The following CCZ1 variants were observed in gnomAD, a reference collection of about 807,000 sequenced individuals.
The protein encoded by CCZ1 is CCZ1 vacuolar protein trafficking and biogenesis associated.
A neutral mutation model predicts 57.8 loss-of-function variants in CCZ1; 19 were observed. That is an observed-to-expected ratio of 0.33 (90% CI 0.23 to 0.48). CCZ1 has a LOEUF of 0.48. CCZ1 is among the 20% of genes least tolerant of loss of function. The pLI is 0.99. For missense variants in CCZ1, 200 were observed against 492.0 expected, an observed-to-expected ratio of 0.41 and a Z score of 5.61; for synonymous variants, 81 against 167.0, an observed-to-expected ratio of 0.49 and a Z score of 3.97.
chr7:5,910,184 G>A (rs1781936491), intron 8 of CCZ1, 68 bp downstream of exon 8: 3 of 1,319,452 alleles, frequency 2.3e-6, no homozygotes, highest in Non-Finnish European at 3.3e-6. Flanking sequence ...GGAGTGAGAT[G>A]GTGGTGCATG....
chr7:5,915,644 T>A (rs1398297959), intron 10 of CCZ1, among the ~76,000 whole-genome samples: 3 of 150,606 alleles, frequency 2.0e-5, no homozygotes, highest in Admixed American at 1.3e-4. Flanking sequence ...AAGACCATCC[T>A]CACTTCTGAC....
intron 1 of CCZ1, among the ~76,000 whole-genome samples, chr7:5,899,799 T>C (rs1161040767): frequency 2.6e-5 from 4 of 151,868 alleles, no homozygotes; most frequent in Admixed American, 2.6e-4. Context: ...TCAGTTCAAA[T>C]GGCTGGGAAC....
At chr7:5,919,176 C>T in intron 11 of CCZ1, 1 of 487,344 alleles carries the variant, frequency 2.1e-6, no homozygotes, top group East Asian at 3.5e-5. Context: ...TTTGTTTAGA[C>T]AGGGTCTCAC....
chr7:5,914,732 C>A, intron 10 of CCZ1, among the ~76,000 whole-genome samples: 1 of 148,432 alleles, frequency 6.7e-6, no homozygotes, highest in Non-Finnish European at 1.5e-5. Flanking sequence ...AAAAATCAGC[C>A]AGGCGAGGTG....
intron 8 of CCZ1, among the ~76,000 whole-genome samples, 178 bp from the exon 9 acceptor site, chr7:5,911,683 C>T (rs1325807890): frequency 6.7e-6 from 1 of 149,338 alleles, no homozygotes; most frequent in African/African-American, 2.5e-5. Context: ...GAGTTCAAGG[C>T]TGCAGTGAGC....
rs1583180158 is a variant in CCZ1, at chr7:5,901,078, A to G, written c.390+146A>G. On this transcript the variant is annotated intron_variant, in intron 4 of 14. Transcript: ENST00000325974. ...GCAAAGGTTTATGTTTATCATTTAC[A>G]TGAGCACAATCTTTTTAAAATGTAT... The G allele has an allele frequency of 5.6e-5, 24 of 428,194 alleles. No homozygotes were observed. The East Asian group carries it at 9.8e-4, about 17-fold the overall frequency. The allele number at this position is 428,194 out of a possible 1,614,324, so 26.5% of individuals were successfully genotyped here.
intron 10 of CCZ1, chr7:5,918,453 A>G (rs1280340226): frequency 1.1e-5 from 3 of 278,568 alleles, no homozygotes; most frequent in Middle Eastern, 1.2e-3. Flanking sequence ...AATAATGGAC[A>G]GTTTCTGCCA....
chr7:5,900,593 T>C (rs1437537785), intron 3 of CCZ1, 27 bp downstream of exon 3: 1 of 1,592,204 alleles, frequency 6.3e-7, no homozygotes, highest in Non-Finnish European at 8.5e-7. Flanking sequence ...TGTATCTTTC[T>C]GAAATTGTAT....
Position 5,912,377 on chromosome 7 carries a change from C to CTTTTTTT in CCZ1, c.843-439_843-433dup, listed in dbSNP as rs4036238. Reference sequence around the variant, plus strand: ...GAGTTAAAACTTACTTCAGCATACCCTTTTTTTTTTTTTTTTTTTTTTTTT... The same window carrying CTTTTTTT: ...GAGTTAAAACTTACTTCAGCATACCCTTTTTTTTTTTTTTTTTTTTTTTTTTTTTTTT... On this transcript the variant is annotated intron_variant, in intron 9 of 14. Transcript: ENST00000325974. Among the ~76,000 whole-genome samples the CTTTTTTT allele has an allele frequency of 2.6e-4, 14 of 54,702 alleles. 1 individual carries two copies. The highest frequency in any genetic ancestry group is 3.2e-4 in the Non-Finnish European group (10 of 31,054). 35.9% of individuals were successfully genotyped at this position (54,702 alleles called of 152,430 possible).
In CCZ1 at chr7:5,913,968, C is replaced by T. The variant is rs1034733387; in HGVS notation, c.954+1014C>T. Reference sequence around the variant, plus strand: ...CATTCTGGCATTTCTTTCTCCCAGACAGAACTGAGACCTTCATCCTACACT... The same window carrying T: ...CATTCTGGCATTTCTTTCTCCCAGATAGAACTGAGACCTTCATCCTACACT... On this transcript the variant is annotated intron_variant, in intron 10 of 14. Transcript: ENST00000325974. Among the ~76,000 whole-genome samples the T allele has an allele frequency of 3.3e-4, 44 of 133,258 alleles. 5 individuals carry two copies. The highest frequency in any genetic ancestry group is 4.8e-4 in the Non-Finnish European group (29 of 59,846). 87.4% of individuals were successfully genotyped at this position (133,258 alleles called of 152,430 possible).
chr7:5,910,698 G>GTATTTTATTTTATTT (rs756924691), intron 8 of CCZ1, among the ~76,000 whole-genome samples: 1 of 120,066 alleles, frequency 8.3e-6, no homozygotes, highest in African/African-American at 3.2e-5. Flanking sequence ...TTTAATTTAT[G>GTATTTTATTTTATTT]TATTTTATTT....
At chr7:5,901,970 G>A (rs1375138972) in intron 5 of CCZ1, 7 of 440,010 alleles carry the variant, frequency 1.6e-5, no homozygotes, top group African/African-American at 6.0e-5. Context: ...CTCAAGGAAT[G>A]TACAGAATGC....
intron 8 of CCZ1, among the ~76,000 whole-genome samples, 183 bp from the exon 9 acceptor site, chr7:5,911,678 C>T (rs547712306): frequency 6.7e-6 from 1 of 149,362 alleles, no homozygotes; most frequent in East Asian, 2.2e-4. Flanking sequence ...CCTAGGAGTT[C>T]AAGGCTGCAG....
chr7:5,900,719 T>G, intron 3 of CCZ1, 136 bp from the exon 4 acceptor site: 1 of 1,504,288 alleles, frequency 6.6e-7, no homozygotes, highest in Non-Finnish European at 8.9e-7. Flanking sequence ...TCTTCCTATT[T>G]GCTTTATTCA....
chr7:5,909,230 C>T (rs1176515162), intron 7 of CCZ1, among the ~76,000 whole-genome samples: 1 of 148,514 alleles, frequency 6.7e-6, no homozygotes, highest in African/African-American at 2.5e-5. Context: ...CTTAACTTCG[C>T]AGTCAGGTGG....
rs1562536473 is a variant in CCZ1, at chr7:5,899,352, TGTG to T, written c.120+434_120+436del. On this transcript the variant is annotated intron_variant, in intron 1 of 14. Coordinates refer to ENST00000325974, the MANE Select transcript of CCZ1 (RefSeq NM_015622.6). ...GGAGGGGGGTGTGTGTGTGTGTGTG[TGTG>T]TGTGTGTGTGTGTGTGTGTGTGTGT... 7.9e-3 allele frequency among the ~76,000 whole-genome samples: 1,008 copies of T among 127,292 alleles called. 42 individuals are homozygous for T. The highest frequency in any genetic ancestry group is 0.014 in the Non-Finnish European group (825 of 56,912). 83.5% of individuals were successfully genotyped at this position (127,292 alleles called of 152,430 possible).
At chr7:5,904,332 C>T (rs1281400837) in intron 6 of CCZ1, among the ~76,000 whole-genome samples, 3 of 143,266 alleles carry the variant, frequency 2.1e-5, no homozygotes, top group Admixed American at 6.8e-5. Flanking sequence ...GTGATGTGCC[C>T]GCCTTGGCCT....
chr7:5,906,706 C>T (rs1312367469), intron 7 of CCZ1, among the ~76,000 whole-genome samples: 1 of 149,554 alleles, frequency 6.7e-6, no homozygotes, highest in Non-Finnish European at 1.5e-5. Context: ...AAACTAGTTC[C>T]CCTAAAATTT....
intron 10 of CCZ1, among the ~76,000 whole-genome samples, chr7:5,915,290 G>T (rs1437016561): frequency 6.7e-5 from 10 of 149,926 alleles, no homozygotes; most frequent in Non-Finnish European, 1.3e-4. Flanking sequence ...AATGTTGGAG[G>T]TGTAATTCAG....
Sources: allele counts gnomAD v4.1 joint callset (sites outside exome capture counted in the v4.1 genomes callset), GRCh38; gene constraint gnomAD v4.1.1; transcripts MANE v1.5; gene names NCBI Gene and HGNC (gene_info 2026-07-23, HGNC 2026-07-21).